UST: variants seen among roughly 807,000 people sequenced by gnomAD.
UST encodes the protein chondroitin sulfate 2-O-sulfotransferase.
A neutral mutation model predicts 45.6 loss-of-function variants in UST; 21 were observed. The ratio of observed to expected loss-of-function variants is 0.46; its 90% CI spans 0.33 to 0.66. The LOEUF (loss-of-function observed/expected upper bound fraction) is 0.66, where lower values mean the gene tolerates loss of function less well. Among genes scored for constraint, UST ranks in the 30% least tolerant of loss-of-function variants. The pLI is 0.02. For synonymous variants in UST, 215 were observed against 200.6 expected (o/e 1.07, Z -0.61); for missense variants, 463 against 512.4 (o/e 0.90, Z 0.93).
rs1270796638 is a variant in UST at position 148,790,803 on chromosome 6, T to A, written c.247+43126T>A. ...TTGCGTCAATCTGGGACAACTCTGA[T>A]GGGCCATCCCAGTTCCAGAGCTCCT... On this transcript the variant is annotated intron_variant, in intron 1 of 7. Coordinates refer to ENST00000367463, the MANE Select transcript of UST (RefSeq NM_005715.3). The surrounding 1 kb of genome is among the most constrained non-coding windows in gnomAD (Gnocchi z 4.2). 6.6e-6 allele frequency among the ~76,000 whole-genome samples: 1 copy of A among 152,244 alleles called. No individual in the cohort carries two copies. Among genetic ancestry groups the A allele is most frequent in the Non-Finnish European group, 1.5e-5 (1 of 68,038 alleles).
intron 5 of UST, chr6:149,005,633 A>G (rs1186762420): frequency 1.0e-6 from 1 of 982,104 alleles, no homozygotes. Flanking sequence ...CTCCACCACC[A>G]TTAGACCTCA....
At chr6:148,821,185 G>A (rs894149455) in intron 1 of UST, among the ~76,000 whole-genome samples, 13 of 151,208 alleles carry the variant, frequency 8.6e-5, no homozygotes, top group Non-Finnish European at 1.8e-4. Flanking sequence ...TGGATAGGCT[G>A]GTCTCCAACT....
chr6:148,843,840 T>G (rs904487809), intron 1 of UST, among the ~76,000 whole-genome samples: 1 of 151,992 alleles, frequency 6.6e-6, no homozygotes, highest in African/African-American at 2.4e-5. Flanking sequence ...TTGTGTTTTG[T>G]TTTTTTTCTC....
chr6:148,990,373 A>G (rs1781325042), intron 5 of UST: 4 of 984,688 alleles, frequency 4.1e-6, no homozygotes, highest in African/African-American at 1.7e-5. Flanking sequence ...AAATCCAAAT[A>G]GTTAAGCAGA....
chr6:148,773,400 G>T (rs1776469957), intron 1 of UST, among the ~76,000 whole-genome samples: 1 of 151,802 alleles, frequency 6.6e-6, no homozygotes, highest in African/African-American at 2.4e-5. Context: ...AGTAGAGGTT[G>T]CAGTGAGCCA....
intron 2 of UST, among the ~76,000 whole-genome samples, chr6:148,912,791 T>C (rs1405601504): frequency 3.9e-5 from 6 of 152,218 alleles, no homozygotes; most frequent in African/African-American, 1.4e-4. Flanking sequence ...GGAGAATAAG[T>C]ATTTAATTCT....
Position 149,020,813 on chromosome 6 carries a change from A to G in UST, c.780-511A>G, listed in dbSNP as rs151159965. ...TCTGCAATCTAGACAAACAAAATAA[A>G]ACAAAACAAAAATCCAAAGATTCCT... On this transcript the variant is annotated intron_variant, in intron 6 of 7. Coordinates refer to ENST00000367463, the MANE Select transcript of UST (RefSeq NM_005715.3). Among the ~76,000 whole-genome samples, 481 of 152,316 alleles carry G rather than the reference A, an allele frequency of 3.2e-3. 3 individuals carry two copies. Among genetic ancestry groups the G allele is most frequent in the African/African-American group, 0.011 (457 of 41,560 alleles).
intron 2 of UST, among the ~76,000 whole-genome samples, chr6:148,930,392 A>G (rs907721159): frequency 6.6e-6 from 1 of 152,224 alleles, no homozygotes; most frequent in Non-Finnish European, 1.5e-5. Context: ...CCCTGCAGTC[A>G]TGGAGTTTAA....
chr6:149,012,533 A>C (rs1164984693), intron 5 of UST, among the ~76,000 whole-genome samples: 1 of 152,144 alleles, frequency 6.6e-6, no homozygotes, highest in Admixed American at 6.5e-5. Context: ...CTTTTCCATA[A>C]TATCCATATT....
At chr6:148,976,718 C>G (rs1781024329) in intron 5 of UST, among the ~76,000 whole-genome samples, 1 of 152,194 alleles carries the variant, frequency 6.6e-6, no homozygotes, top group South Asian at 2.1e-4. Context: ...GCCCATTTTG[C>G]TAACATTCTG....
chr6:148,837,287 C>T (rs1172509702), intron 1 of UST, among the ~76,000 whole-genome samples: 2 of 152,218 alleles, frequency 1.3e-5, no homozygotes, highest in African/African-American at 4.8e-5. Flanking sequence ...ACTTATCCCC[C>T]TCAATCCATA....
chr6:148,947,296 A>G (rs1271548158), intron 3 of UST, among the ~76,000 whole-genome samples: 1 of 152,194 alleles, frequency 6.6e-6, no homozygotes, highest in Non-Finnish European at 1.5e-5. Flanking sequence ...CCAATAATGG[A>G]ACACTAGGCA....
At chr6:148,977,690 T>G (rs555320753) in intron 5 of UST, among the ~76,000 whole-genome samples, 27 of 148,000 alleles carry the variant, frequency 1.8e-4, no homozygotes, top group African/African-American at 5.0e-4. Flanking sequence ...AGGTGGAGCT[T>G]GCAGTGAGCC....
At chr6:148,918,000 C>T (rs921355986) in intron 2 of UST, among the ~76,000 whole-genome samples, 2 of 152,156 alleles carry the variant, frequency 1.3e-5, no homozygotes, top group African/African-American at 2.4e-5. Context: ...CTGTGGGTCC[C>T]GGGTGGCTGC....
intron 5 of UST, among the ~76,000 whole-genome samples, chr6:148,977,751 CA>C (rs60475773): frequency 0.63 from 56,065 of 88,370 alleles, 15,242 homozygotes; most frequent in East Asian, 0.74. Context: ...GAATCTGTCT[CA>C]AAAAAAAAAA....
intron 5 of UST, chr6:148,993,067 G>T: frequency 1.0e-6 from 1 of 985,432 alleles, no homozygotes; most frequent in Non-Finnish European, 1.2e-6. Flanking sequence ...ACCAAAGGAG[G>T]TGACATTTGT....
intron 7 of UST, among the ~76,000 whole-genome samples, chr6:149,031,493 A>G (rs759417847): frequency 6.6e-6 from 1 of 152,188 alleles, no homozygotes; most frequent in African/African-American, 2.4e-5. Flanking sequence ...CGTTTGGCCT[A>G]TTTCAACTAT....
At chr6:149,061,863 T>C (rs1776659877) in intron 7 of UST, among the ~76,000 whole-genome samples, 1 of 152,230 alleles carries the variant, frequency 6.6e-6, no homozygotes, top group African/African-American at 2.4e-5. Context: ...GAATGACTGT[T>C]TTCCTTCTAA....
intron 1 of UST, among the ~76,000 whole-genome samples, chr6:148,853,550 A>G (rs1486934119): frequency 1.3e-5 from 2 of 152,184 alleles, no homozygotes; most frequent in African/African-American, 2.4e-5. Flanking sequence ...GTCTTCCACA[A>G]TGGTTGAACT....
Sources: gnomAD v4.1 joint callset for allele counts (sites outside exome capture counted in the v4.1 genomes callset) on GRCh38, gnomAD v4.1.1 for gene constraint, Gnocchi (gnomAD v3.1) non-coding constraint, MANE v1.5 for transcripts, NCBI Gene and HGNC (gene_info 2026-07-23, HGNC 2026-07-21) for gene names.